Variants in CCSER1 observed in about 807,000 individuals in gnomAD.
CCSER1 encodes coiled-coil serine rich protein 1, also known as serine-rich coiled-coil domain-containing protein 1.
Under a neutral mutation model 82.0 loss-of-function variants are expected in CCSER1, and 41 were observed. The ratio of observed to expected loss-of-function variants is 0.50; its 90% CI spans 0.39 to 0.65. CCSER1 has a LOEUF of 0.65. CCSER1 is among the 30% of genes least tolerant of loss of function. CCSER1 has a pLI of 0.00. For missense variants in CCSER1, 1,119 were observed against 1,064.2 expected (o/e 1.05, Z -0.72); for synonymous variants, 414 against 383.9 (o/e 1.08, Z -0.92).
chr4:91,571,105 C>T (rs1032446284), intron 10 of CCSER1, among the ~76,000 whole-genome samples: 1 of 152,168 alleles, frequency 6.6e-6, no homozygotes, highest in Non-Finnish European at 1.5e-5. Flanking sequence ...TCTGAGACCA[C>T]CTCAGCCTGG....
intron 9 of CCSER1, among the ~76,000 whole-genome samples, chr4:90,933,591 A>G (rs1320257417): frequency 6.6e-6 from 1 of 152,084 alleles, no homozygotes; most frequent in Non-Finnish European, 1.5e-5. Flanking sequence ...TGACACAATT[A>G]TATGTCATAA....
chr4:90,267,354 G>C (rs1034479022), intron 1 of CCSER1, among the ~76,000 whole-genome samples: 1 of 152,032 alleles, frequency 6.6e-6, no homozygotes, highest in African/African-American at 2.4e-5. Flanking sequence ...GATTCCTAAG[G>C]TTTCTGACTA....
chr4:90,373,735 A>G (rs1747846784), intron 3 of CCSER1, among the ~76,000 whole-genome samples: 1 of 152,180 alleles, frequency 6.6e-6, no homozygotes, highest in Admixed American at 6.5e-5. Flanking sequence ...TGTTGTGAGT[A>G]AACTTGCTGT....
At chr4:91,440,904 C>G (rs1412046872) in intron 10 of CCSER1, among the ~76,000 whole-genome samples, 1 of 152,070 alleles carries the variant, frequency 6.6e-6, no homozygotes, top group African/African-American at 2.4e-5. Context: ...CATACACCCT[C>G]CCAAGACTAA....
chr4:90,387,837 A>G (rs760108350), intron 3 of CCSER1, among the ~76,000 whole-genome samples: 19 of 152,048 alleles, frequency 1.2e-4, no homozygotes, highest in Non-Finnish European at 2.6e-4. Flanking sequence ...CTTGGCTGGT[A>G]TTTTATCTGT....
At chr4:90,864,854 A>G (rs997685608) in intron 8 of CCSER1, among the ~76,000 whole-genome samples, 2 of 152,048 alleles carry the variant, frequency 1.3e-5, no homozygotes, top group Non-Finnish European at 2.9e-5. Context: ...GCATTCTTGT[A>G]GGCTAAAATA....
At chr4:91,141,080 C>T (rs189572841) in intron 10 of CCSER1, among the ~76,000 whole-genome samples, 64 of 151,934 alleles carry the variant, frequency 4.2e-4, no homozygotes, top group African/African-American at 1.4e-3. Flanking sequence ...TCTGTTTCTA[C>T]ATTAATTTAC....
intron 5 of CCSER1, among the ~76,000 whole-genome samples, chr4:90,568,706 T>C (rs1481691387): frequency 6.6e-6 from 1 of 152,094 alleles, no homozygotes; most frequent in Non-Finnish European, 1.5e-5. Flanking sequence ...GTCCATTTTG[T>C]TAGGTTTTTT....
At chr4:90,816,619 A>C (rs945913468) in intron 8 of CCSER1, among the ~76,000 whole-genome samples, 18 of 152,116 alleles carry the variant, frequency 1.2e-4, no homozygotes, top group African/African-American at 4.3e-4. Context: ...TTAATTCATC[A>C]TTCATTTTTA....
At chr4:91,521,625 G>T (rs537427122) in intron 10 of CCSER1, among the ~76,000 whole-genome samples, 44 of 152,284 alleles carry the variant, frequency 2.9e-4, no homozygotes, top group African/African-American at 1.0e-3. Flanking sequence ...TTTCTCTGAT[G>T]ACCAGTGATG....
rs142987718 is a variant in CCSER1 at position 90,254,978 on chromosome 4, AACAC to A, written c.-41-53237_-41-53234del. 4.7e-3 allele frequency among the ~76,000 whole-genome samples: 667 copies of A among 142,978 alleles called. 1 individual carries two copies. The highest frequency in any genetic ancestry group is 7.1e-3 in the Admixed American group (100 of 14,126). The allele number at this position is 142,978 out of a possible 152,430, so 93.8% of individuals were successfully genotyped here. Reference sequence around the variant, plus strand: ...TGATATACATATCAACATATATATCAACACACACACACACACACACACACACACA... The same window carrying A: ...TGATATACATATCAACATATATATCAACACACACACACACACACACACACA... On this transcript the variant is annotated intron_variant, in intron 1 of 10. Transcript: ENST00000509176.
At chr4:90,691,473 T>C (rs1579950302) in intron 6 of CCSER1, among the ~76,000 whole-genome samples, 1 of 94,096 alleles carries the variant, frequency 1.1e-5, no homozygotes, top group South Asian at 3.9e-4. Flanking sequence ...TATACACACA[T>C]GTATTATATA....
intron 4 of CCSER1, among the ~76,000 whole-genome samples, chr4:90,448,472 TATATATATATATA>T (rs1560533064): frequency 3.6e-5 from 5 of 139,718 alleles, no homozygotes; most frequent in African/African-American, 1.3e-4. Context: ...TATATATATA[TATATATATATATA>T]GCACTTTTCT....
chr4:91,528,460 A>G (rs926222806), intron 10 of CCSER1, among the ~76,000 whole-genome samples: 5 of 152,200 alleles, frequency 3.3e-5, no homozygotes, highest in Non-Finnish European at 5.9e-5. Context: ...ATACTTTGAC[A>G]AATTCCTTTT....
chr4:91,114,043 G>A (rs1042247498), intron 10 of CCSER1, among the ~76,000 whole-genome samples: 3 of 151,950 alleles, frequency 2.0e-5, no homozygotes, highest in Non-Finnish European at 4.4e-5. Flanking sequence ...TAGTAGAGAC[G>A]GGGTTTCATC....
intron 6 of CCSER1, among the ~76,000 whole-genome samples, chr4:90,692,043 A>G (rs1281347551): frequency 2.1e-4 from 3 of 14,016 alleles, no homozygotes; most frequent in East Asian, 5.1e-3. Flanking sequence ...GTGTATATAT[A>G]TATATATATA....
chr4:91,230,630 A>T (rs968422117), intron 10 of CCSER1, among the ~76,000 whole-genome samples: 2 of 151,736 alleles, frequency 1.3e-5, no homozygotes, highest in African/African-American at 4.8e-5. Flanking sequence ...GGTGTGGAGG[A>T]AAAAAAACAC....
intron 5 of CCSER1, among the ~76,000 whole-genome samples, chr4:90,484,535 T>C (rs1411213018): frequency 2.0e-5 from 3 of 152,208 alleles, no homozygotes; most frequent in African/African-American, 7.2e-5. Flanking sequence ...GATGGTGACA[T>C]ACAGACGGGT....
intron 5 of CCSER1, among the ~76,000 whole-genome samples, chr4:90,548,686 T>C (rs914203795): frequency 4.0e-5 from 6 of 151,562 alleles, no homozygotes; most frequent in African/African-American, 1.5e-4. Context: ...TTAGAAAAGT[T>C]AGTTACAATA....
Sources: allele counts gnomAD v4.1 joint callset (sites outside exome capture counted in the v4.1 genomes callset), GRCh38; gene constraint gnomAD v4.1.1; transcripts MANE v1.5; gene names NCBI Gene and HGNC (gene_info 2026-07-23, HGNC 2026-07-21).